KIF5C: variants seen among roughly 807,000 people sequenced by gnomAD.
KIF5C encodes the protein kinesin heavy chain isoform 5C.
KIF5C carries 18 observed loss-of-function variants against 125.2 expected under a neutral mutation model. The observed-to-expected ratio is 0.14, with a 90% CI of 0.10 to 0.21. KIF5C has a LOEUF of 0.21. Ranked by LOEUF, KIF5C falls within the 10% of genes least tolerant of loss-of-function variation. The pLI is 1.00. For missense variants in KIF5C, 780 were observed against 1,183.8 expected (o/e 0.66, Z 5.01); for synonymous variants, 405 against 434.0 (o/e 0.93, Z 0.83).
chr2:148,921,870 G>C (rs1681799350), intron 1 of KIF5C, among the ~76,000 whole-genome samples: 1 of 152,074 alleles, frequency 6.6e-6, no homozygotes, highest in South Asian at 2.1e-4. Context: ...TTGAATGAAT[G>C]AATGAGTCTC....
intron 1 of KIF5C, chr2:148,883,825 A>G (rs566436830): frequency 6.6e-6 from 1 of 152,178 alleles, no homozygotes; most frequent in East Asian, 1.9e-4. Context: ...AAGGCATGAT[A>G]TAAACAGTAG....
chr2:148,956,421 C>T (rs995958103), intron 10 of KIF5C, among the ~76,000 whole-genome samples: 3 of 152,204 alleles, frequency 2.0e-5, no homozygotes, highest in African/African-American at 7.2e-5. Context: ...GGAAGATGTA[C>T]TGTGGCCTCT....
At position 148,890,451 on chromosome 2, in the gene KIF5C, T is replaced by C. The variant is rs1271493788; in HGVS notation, c.126+14708T>C. 2.6e-5 allele frequency among the ~76,000 whole-genome samples: 4 copies of C among 152,006 alleles called. No homozygotes were observed. In the South Asian group the frequency reaches 8.3e-4, roughly 32 times the overall value. On this transcript the variant is annotated intron_variant, in intron 1 of 25. Transcript: ENST00000435030. ...AGGAATTGGAGGCTGCAGGTAGCTA[T>C]GATTGCACCACTGCACTCCAGCCTG...
In KIF5C at chr2:149,026,149, C is replaced by G. The variant is rs1046131308; in HGVS notation, c.*3079C>G. 2.6e-5 allele frequency: 4 copies of G among 152,516 alleles called. No homozygotes were observed. Among genetic ancestry groups the G allele is most frequent in the African/African-American group, 4.8e-5 (2 of 41,426 alleles). The allele number at this position is 152,516 out of a possible 1,614,324, so 9.4% of individuals were successfully genotyped here. On this transcript the variant is annotated 3_prime_UTR_variant, in exon 26 of 26. Transcript: ENST00000435030. ...AAGCAGGGCAGGAGACATTTGGACT[C>G]TAGCTATATGACATACTGGGAAAGG...
chr2:148,883,276 T>C (rs372903560), intron 1 of KIF5C, among the ~76,000 whole-genome samples: 2 of 151,956 alleles, frequency 1.3e-5, no homozygotes, highest in Non-Finnish European at 2.9e-5. Flanking sequence ...CCGAGGTGGG[T>C]GGATCATGAG....
intron 20 of KIF5C, 22 bp downstream of exon 20, chr2:149,000,546 C>T: frequency 6.5e-7 from 1 of 1,545,714 alleles, no homozygotes; most frequent in Non-Finnish European, 8.8e-7. Flanking sequence ...CTAAATATTT[C>T]CTCTATTTTC....
chr2:148,959,677 C>T (rs1482979259), intron 10 of KIF5C, among the ~76,000 whole-genome samples: 8 of 152,192 alleles, frequency 5.3e-5, no homozygotes, highest in Admixed American at 5.2e-4. Flanking sequence ...ATCTTTTCTG[C>T]ACCATCTCTG....
intron 23 of KIF5C, 142 bp downstream of exon 23, chr2:149,008,209 A>C: frequency 8.7e-7 from 1 of 1,145,790 alleles, no homozygotes; most frequent in Non-Finnish European, 1.1e-6. Flanking sequence ...TGAGGGCTGG[A>C]AAGGTCCTTA....
At chr2:148,968,000 G>A (rs976631439) in intron 11 of KIF5C, among the ~76,000 whole-genome samples, 4 of 152,116 alleles carry the variant, frequency 2.6e-5, no homozygotes, top group Non-Finnish European at 5.9e-5. Context: ...GCTTCCTGTT[G>A]CTGCCAGGTC....
intron 4 of KIF5C, among the ~76,000 whole-genome samples, chr2:148,938,781 G>A (rs115236589): frequency 3.3e-5 from 5 of 152,214 alleles, no homozygotes; most frequent in African/African-American, 9.6e-5. Context: ...ATGAGGAAAC[G>A]GAAGTTTAAA....
chr2:148,942,500 C>T (rs1156625655), intron 6 of KIF5C, among the ~76,000 whole-genome samples, 173 bp from the exon 7 acceptor site: 1 of 152,176 alleles, frequency 6.6e-6, no homozygotes. Context: ...GCTCAGACTT[C>T]TCTTTAATGT....
chr2:148,998,646 C>G, intron 19 of KIF5C, 137 bp downstream of exon 19: 2 of 1,353,814 alleles, frequency 1.5e-6, no homozygotes, highest in Non-Finnish European at 2.0e-6. Context: ...ACACAGCAGG[C>G]TGGGCGGGCT....
intron 2 of KIF5C, among the ~76,000 whole-genome samples, chr2:148,927,280 G>T (rs1487608338): frequency 6.6e-6 from 1 of 152,202 alleles, no homozygotes; most frequent in Non-Finnish European, 1.5e-5. Flanking sequence ...TGAGCTCTGA[G>T]CTGTTTCCTT....
chr2:149,012,812 C>T (rs921048469), intron 25 of KIF5C, among the ~76,000 whole-genome samples: 8 of 152,244 alleles, frequency 5.3e-5, no homozygotes, highest in Non-Finnish European at 7.3e-5. Context: ...ATGGTCTTGG[C>T]GGTGGGCCAC....
rs572558978 is a variant in KIF5C at position 148,903,548 on chromosome 2, A to C, written c.127-18589A>C. ...CCTGGAAGTATTTCCAAGGCCCGTC[A>C]TGCAGGTGTGGCTCACTGTCTGAAG... On this transcript the variant is annotated intron_variant, in intron 1 of 25. Transcript: ENST00000435030. Among the ~76,000 whole-genome samples, 15 of 152,342 alleles carry C rather than the reference A, an allele frequency of 9.8e-5. 1 individual carries two copies. In the East Asian group the frequency reaches 2.9e-3, roughly 29 times the overall value.
intron 8 of KIF5C, 64 bp downstream of exon 8, chr2:148,947,087 G>C: frequency 1.3e-6 from 2 of 1,520,558 alleles, no homozygotes; most frequent in Non-Finnish European, 1.8e-6. Flanking sequence ...TTGTGCAATG[G>C]TATAATTTTT....
intron 11 of KIF5C, among the ~76,000 whole-genome samples, chr2:148,969,848 G>A (rs1309653310): frequency 6.6e-6 from 1 of 152,154 alleles, no homozygotes; most frequent in Non-Finnish European, 1.5e-5. Flanking sequence ...ATCCCCAGAC[G>A]TGTTTGTGAG....
At chr2:148,980,191 A>C (rs1316388770) in intron 13 of KIF5C, among the ~76,000 whole-genome samples, 1 of 151,680 alleles carries the variant, frequency 6.6e-6, no homozygotes, top group African/African-American at 2.4e-5. Flanking sequence ...GTAGGGAGAT[A>C]ATCTACACTT....
intron 21 of KIF5C, among the ~76,000 whole-genome samples, chr2:149,003,245 C>T (rs1022859487): frequency 1.1e-4 from 16 of 152,254 alleles, no homozygotes; most frequent in African/African-American, 3.6e-4. Context: ...ACTGTTCTGC[C>T]GCCCTCCTCA....
Sources: gnomAD v4.1 joint callset for allele counts (sites outside exome capture counted in the v4.1 genomes callset) on GRCh38, gnomAD v4.1.1 for gene constraint, MANE v1.5 for transcripts, NCBI Gene and HGNC (gene_info 2026-07-23, HGNC 2026-07-21) for gene names.